RALYL: variants seen among roughly 807,000 people sequenced by gnomAD.
The protein encoded by RALYL is RALY RNA binding protein like.
A neutral mutation model predicts 35.1 loss-of-function variants in RALYL; 29 were observed. The observed-to-expected ratio is 0.83, with a 90% confidence interval of 0.61 to 1.13. The LOEUF is 1.13. RALYL is among the 50% of genes most tolerant of loss of function. RALYL has a pLI of 0.00. For missense variants in RALYL, 359 were observed against 360.4 expected (o/e 1.00, Z 0.03); for synonymous variants, 120 against 127.6 (o/e 0.94, Z 0.40).
intron 2 of RALYL, among the ~76,000 whole-genome samples, chr8:84,759,074 G>A (rs1001195882): frequency 1.3e-5 from 2 of 152,004 alleles, no homozygotes; most frequent in African/African-American, 4.8e-5. Flanking sequence ...AGCCAACAAT[G>A]GTGGGTTGAG....
At chr8:84,413,901 A>C (rs2044351948) in intron 1 of RALYL, among the ~76,000 whole-genome samples, 1 of 152,020 alleles carries the variant, frequency 6.6e-6, no homozygotes, top group African/African-American at 2.4e-5. Context: ...GATATAATTT[A>C]TTACTTTGAA....
At chr8:84,789,684 C>A (rs551990058) in intron 3 of RALYL, among the ~76,000 whole-genome samples, 1 of 152,086 alleles carries the variant, frequency 6.6e-6, no homozygotes, top group South Asian at 2.1e-4. Context: ...ATGGTGAAAC[C>A]CCATCTTTAC....
At chr8:84,194,022 T>C (rs1396480550) in intron 1 of RALYL, among the ~76,000 whole-genome samples, 1 of 152,186 alleles carries the variant, frequency 6.6e-6, no homozygotes, top group South Asian at 2.1e-4. Flanking sequence ...TCACTAATTT[T>C]AATAGAATGA....
intron 8 of RALYL, among the ~76,000 whole-genome samples, chr8:84,903,048 TA>T (rs1253809810): frequency 1.3e-5 from 2 of 152,202 alleles, no homozygotes; most frequent in African/African-American, 4.8e-5. Context: ...GTGAGACTCT[TA>T]TTTTTTTTAA....
chr8:84,851,618 A>G (rs1018322083), intron 5 of RALYL, among the ~76,000 whole-genome samples: 2 of 152,202 alleles, frequency 1.3e-5, no homozygotes, highest in African/African-American at 4.8e-5. Context: ...AGAGGAAGTA[A>G]CTGTGATCCT....
At chr8:84,758,953 A>C (rs771266002) in intron 2 of RALYL, among the ~76,000 whole-genome samples, 3 of 152,200 alleles carry the variant, frequency 2.0e-5, no homozygotes, top group Non-Finnish European at 4.4e-5. Context: ...AGGTATTAGT[A>C]GGGCTATATT....
intron 1 of RALYL, among the ~76,000 whole-genome samples, chr8:84,518,441 G>C (rs2058221156): frequency 6.6e-6 from 1 of 152,114 alleles, no homozygotes; most frequent in African/African-American, 2.4e-5. Context: ...TTCTAAGTCA[G>C]TATTTGCAAT....
At chr8:84,512,872 T>C (rs781411980) in intron 1 of RALYL, among the ~76,000 whole-genome samples, 2 of 152,200 alleles carry the variant, frequency 1.3e-5, no homozygotes, top group Non-Finnish European at 2.9e-5. Context: ...ATCAATATTG[T>C]TCCATTGGTC....
chr8:84,684,063 G>A (rs777304774), intron 2 of RALYL, among the ~76,000 whole-genome samples: 6 of 152,054 alleles, frequency 3.9e-5, no homozygotes, highest in Non-Finnish European at 5.9e-5. Context: ...CTTGGAAGAC[G>A]TAAATAAGAT....
At chr8:84,852,454 C>A (rs1246610861) in intron 5 of RALYL, among the ~76,000 whole-genome samples, 1 of 152,116 alleles carries the variant, frequency 6.6e-6, no homozygotes, top group Non-Finnish European at 1.5e-5. Context: ...TGTTTTTATA[C>A]TATTTGAAAA....
chr8:84,585,668 G>T (rs1385900857), intron 2 of RALYL, among the ~76,000 whole-genome samples: 1 of 152,044 alleles, frequency 6.6e-6, no homozygotes, highest in African/African-American at 2.4e-5. Flanking sequence ...AATGTTGTTT[G>T]CATTGACATT....
At chr8:84,200,172 G>A (rs1816500615) in intron 1 of RALYL, among the ~76,000 whole-genome samples, 1 of 152,002 alleles carries the variant, frequency 6.6e-6, no homozygotes, top group South Asian at 2.1e-4. Flanking sequence ...GATTCTAATG[G>A]TTATCATGAA....
chr8:84,650,396 CA>C (rs1449523987), intron 2 of RALYL, among the ~76,000 whole-genome samples: 1 of 152,004 alleles, frequency 6.6e-6, no homozygotes, highest in African/African-American at 2.4e-5. Flanking sequence ...ACAACCCCAT[CA>C]AAAAGTAGGC....
At chr8:84,621,563 C>A (rs182086375) in intron 2 of RALYL, among the ~76,000 whole-genome samples, 1 of 151,400 alleles carries the variant, frequency 6.6e-6, no homozygotes, top group Non-Finnish European at 1.5e-5. Context: ...TCTTCGGCGT[C>A]GCTCACGCTG....
intron 1 of RALYL, among the ~76,000 whole-genome samples, chr8:84,185,651 C>T (rs1161467282): frequency 2.0e-5 from 3 of 151,974 alleles, no homozygotes; most frequent in Non-Finnish European, 4.4e-5. Flanking sequence ...TTACCTTTTC[C>T]CCCCTTAAAT....
chr8:84,688,671 G>A (rs1234182196), intron 2 of RALYL, among the ~76,000 whole-genome samples: 37 of 152,052 alleles, frequency 2.4e-4, no homozygotes, highest in Admixed American at 2.2e-3. Context: ...TCTGGGCAAT[G>A]CTTTTTTACT....
chr8:84,652,200 A>C (rs1195267879), intron 2 of RALYL, among the ~76,000 whole-genome samples: 1 of 152,104 alleles, frequency 6.6e-6, no homozygotes, highest in African/African-American at 2.4e-5. Flanking sequence ...TTCCAAAGAA[A>C]CTTTTGTTAT....
At chr8:84,843,305 C>G (rs1267546327) in intron 4 of RALYL, among the ~76,000 whole-genome samples, 1 of 152,138 alleles carries the variant, frequency 6.6e-6, no homozygotes. Flanking sequence ...AAATCACAAG[C>G]ACTCTTATAC....
intron 2 of RALYL, among the ~76,000 whole-genome samples, chr8:84,711,698 A>C (rs1475577566): frequency 6.6e-6 from 1 of 152,166 alleles, no homozygotes; most frequent in Non-Finnish European, 1.5e-5. Context: ...CAACAGTGAT[A>C]ATAGGTTTGA....
Sources: gnomAD v4.1 joint callset for allele counts (sites outside exome capture counted in the v4.1 genomes callset) on GRCh38, gnomAD v4.1.1 for gene constraint, MANE v1.5 for transcripts, NCBI Gene and HGNC (gene_info 2026-07-23, HGNC 2026-07-21) for gene names.